LDHB: variants seen among roughly 807,000 people sequenced by gnomAD.
LDHB encodes L-lactate dehydrogenase B chain.
Under a neutral mutation model 33.4 loss-of-function variants are expected in LDHB, and 18 were observed. The ratio of observed to expected loss-of-function variants is 0.54; its 90% CI spans 0.37 to 0.80. The LOEUF (loss-of-function observed/expected upper bound fraction) is 0.80. LDHB is among the 30% of genes least tolerant of loss of function. The pLI is 0.00. For missense variants in LDHB, 345 were observed against 407.9 expected (o/e 0.85, Z 1.33); for synonymous variants, 121 against 140.6 (o/e 0.86, Z 0.98).
intron 1 of LDHB, among the ~76,000 whole-genome samples, chr12:21,656,772 C>G (rs1938857509): frequency 6.6e-6 from 1 of 152,124 alleles, no homozygotes; most frequent in South Asian, 2.1e-4. Flanking sequence ...CATCAGAGTG[C>G]AGGCTGTAAG....
intron 4 of LDHB, 195 bp downstream of exon 4, chr12:21,643,740 G>T: frequency 1.8e-6 from 1 of 570,094 alleles, no homozygotes; most frequent in South Asian, 2.4e-5. Flanking sequence ...TAAAACTCTT[G>T]TCACATTTTT....
At chr12:21,640,040 T>G (rs543241257) in intron 5 of LDHB, among the ~76,000 whole-genome samples, 1 of 151,938 alleles carries the variant, frequency 6.6e-6, no homozygotes. Flanking sequence ...TGGGAGAAAA[T>G]AGTCCTTTAC....
chr12:21,637,430 ATAAGT>A (rs1282406620), intron 6 of LDHB: 3 of 378,344 alleles, frequency 7.9e-6, no homozygotes, highest in Admixed American at 4.2e-5. Flanking sequence ...AGTTTATTGT[ATAAGT>A]TAAGATTTAT....
At chr12:21,635,734 A>G (rs1938198402) in intron 7 of LDHB, 25 bp from the exon 8 acceptor site, 1 of 1,609,058 alleles carries the variant, frequency 6.2e-7, no homozygotes, top group African/African-American at 1.3e-5. Flanking sequence ...AAGCATCGAG[A>G]TTAAGACATG....
At chr12:21,652,148 GAT>G (rs572050253) in intron 2 of LDHB, among the ~76,000 whole-genome samples, 104 of 152,308 alleles carry the variant, frequency 6.8e-4, no homozygotes, top group African/African-American at 2.2e-3. Context: ...TGATAGCTCA[GAT>G]ATAGTTTCCT....
chr12:21,642,322 C>A (rs1389316053), intron 4 of LDHB, among the ~76,000 whole-genome samples, 197 bp from the exon 5 acceptor site: 2 of 151,956 alleles, frequency 1.3e-5, no homozygotes, highest in East Asian at 3.8e-4. Flanking sequence ...AACTTTTAAG[C>A]CTTATATGAA....
chr12:21,646,778 G>T (rs949696436), intron 3 of LDHB, 121 bp downstream of exon 3: 1 of 726,614 alleles, frequency 1.4e-6, no homozygotes, highest in East Asian at 2.5e-5. Context: ...TGAAATAACT[G>T]TTCCAAAACT....
intron 5 of LDHB, among the ~76,000 whole-genome samples, chr12:21,639,874 T>C (rs1938322144): frequency 6.6e-6 from 1 of 152,024 alleles, no homozygotes; most frequent in Non-Finnish European, 1.5e-5. Flanking sequence ...AAGTGATATG[T>C]GTCAGAAAAA....
In LDHB at chr12:21,654,572, T is replaced by G; in HGVS notation, c.100A>C (p.Met34Leu). The change falls in exon 2 of 8, where the codon ATG (methionine) becomes CTG (leucine). Residue 34 changes from methionine to leucine, a missense_variant. Physicochemically the swap from Met to Leu is conservative, Grantham distance 15. Transcript: ENST00000350669. The stretch of plus-strand genomic sequence containing the variant: ...CCCAGAATGCTGATAGCACACGCCA[T>G]ACCAACTTGTCCAACACCCACTACA... ...ITVVGVGQVG[M>L]ACAISILGKS... 1 of 1,614,188 alleles carries G rather than the reference T, an allele frequency of 6.2e-7. No homozygotes were observed. The highest frequency in any genetic ancestry group is 8.5e-7 in the Non-Finnish European group (1 of 1,179,978).
intron 3 of LDHB, among the ~76,000 whole-genome samples, chr12:21,645,901 C>T (rs1938514441): frequency 6.6e-6 from 1 of 152,172 alleles, no homozygotes; most frequent in African/African-American, 2.4e-5. Flanking sequence ...GAGAAATGCC[C>T]ACAAGGGTGG....
intron 1 of LDHB, 140 bp from the exon 2 acceptor site, chr12:21,654,817 A>T: frequency 2.6e-6 from 2 of 771,654 alleles, no homozygotes; most frequent in Non-Finnish European, 4.4e-6. Context: ...AAAGCAGAAT[A>T]TATTTTAAAG....
rs564489849 is a variant in LDHB, at chr12:21,635,689, AT to A, written c.857del (p.Asn286MetfsTer5). The A allele has an allele frequency of 6.2e-7, 1 of 1,613,824 alleles. No homozygotes were observed. Among genetic ancestry groups the A allele is most frequent in the South Asian group, 1.1e-5 (1 of 91,074 alleles). On this transcript the variant is annotated frameshift_variant, in exon 8 of 8. Transcript: ENST00000350669. LOFTEE classifies it high-confidence loss of function. ...TACATGGAAGGCTCAGGAAGACTTCATTCTCAATGCCATACATCCCCTGCCA... is the reference window on the plus strand; with the variant it reads ...TACATGGAAGGCTCAGGAAGACTTCATCTCAATGCCATACATCCCCTGCCA... ...TMVKGMYGIE[N>X]EVFLSLPCIL...
intron 2 of LDHB, 106 bp downstream of exon 2, chr12:21,654,437 G>A (rs1392631585): frequency 1.8e-6 from 2 of 1,127,808 alleles, no homozygotes; most frequent in Admixed American, 3.5e-5. Flanking sequence ...AAATTGCTCA[G>A]GAAAAAAAGA....
At chr12:21,643,554 T>C (rs998593118) in intron 4 of LDHB, 1 of 219,654 alleles carries the variant, frequency 4.6e-6, no homozygotes, top group African/African-American at 2.3e-5. Context: ...TTCAATTCTG[T>C]ATAATGGGAT....
intron 2 of LDHB, among the ~76,000 whole-genome samples, chr12:21,647,766 C>T (rs922251331): frequency 1.7e-4 from 20 of 119,128 alleles, no homozygotes; most frequent in African/African-American, 5.1e-4. Context: ...CTGCAGCCTC[C>T]GCCCACTGCA....
At chr12:21,650,490 A>G (rs1302128892) in intron 2 of LDHB, among the ~76,000 whole-genome samples, 1 of 152,226 alleles carries the variant, frequency 6.6e-6, no homozygotes, top group African/African-American at 2.4e-5. Context: ...ACATGGCTAC[A>G]GTTGACTGAA....
At chr12:21,638,290 T>G (rs1438221422) in intron 6 of LDHB, 63 bp downstream of exon 6, 13 of 902,224 alleles carry the variant, frequency 1.4e-5, no homozygotes, top group Non-Finnish European at 2.2e-5. Flanking sequence ...ATGGAAAATG[T>G]TTATAATTTT....
intron 2 of LDHB, 35 bp from the exon 3 acceptor site, chr12:21,647,051 C>T (rs753773705): frequency 1.1e-5 from 14 of 1,307,176 alleles, no homozygotes; most frequent in Non-Finnish European, 1.4e-5. Context: ...GAACCCTAAG[C>T]CACTCTAGGA....
chr12:21,644,343 G>A (rs1305538301), intron 3 of LDHB, among the ~76,000 whole-genome samples: 7 of 137,722 alleles, frequency 5.1e-5, no homozygotes, highest in South Asian at 2.3e-4. Flanking sequence ...AAGATGACCC[G>A]AAAGTATGTT....
Sources: gnomAD v4.1 joint callset for allele counts (sites outside exome capture counted in the v4.1 genomes callset) on GRCh38, gnomAD v4.1.1 for gene constraint, MANE v1.5 for transcripts, NCBI Gene and HGNC (gene_info 2026-07-23, HGNC 2026-07-21) for gene names.